The following NTF3 variants were observed in gnomAD, a reference collection of about 807,000 sequenced individuals.
The protein encoded by NTF3 is neurotrophin-3.
A neutral mutation model predicts 26.3 loss-of-function variants in NTF3; 8 were observed. That is an observed-to-expected ratio of 0.30 (90% CI 0.18 to 0.55). The LOEUF is 0.55. Ranked by LOEUF, NTF3 falls within the 20% of genes least tolerant of loss-of-function variation. The pLI is 0.93. For missense variants in NTF3, 276 were observed against 352.9 expected, an observed-to-expected ratio of 0.78 and a Z score of 1.75; for synonymous variants, 154 against 145.5, an observed-to-expected ratio of 1.06 and a Z score of -0.42.
At chr12:5,446,066 C>T (rs1940301620) in intron 1 of NTF3, among the ~76,000 whole-genome samples, 1 of 152,104 alleles carries the variant, frequency 6.6e-6, no homozygotes, top group South Asian at 2.1e-4. Context: ...GGTGCAGACA[C>T]CTATTTATAT....
At chr12:5,452,671 C>T (rs887482962) in intron 1 of NTF3, among the ~76,000 whole-genome samples, 20 of 152,220 alleles carry the variant, frequency 1.3e-4, no homozygotes, top group Admixed American at 6.5e-4. Context: ...GAGTGGGGAG[C>T]CGGGGCTGAT....
intron 1 of NTF3, among the ~76,000 whole-genome samples, chr12:5,460,984 T>C (rs1173816346): frequency 6.6e-6 from 1 of 152,010 alleles, no homozygotes; most frequent in Non-Finnish European, 1.5e-5. Flanking sequence ...CAGATCAGGG[T>C]TTTTCCATCT....
At chr12:5,482,121 ACT>A (rs1304739867) in intron 1 of NTF3, among the ~76,000 whole-genome samples, 2 of 151,996 alleles carry the variant, frequency 1.3e-5, no homozygotes, top group Admixed American at 6.5e-5. Context: ...TACAATGCAC[ACT>A]CACACACAGA....
intron 1 of NTF3, among the ~76,000 whole-genome samples, chr12:5,454,343 A>G (rs7297212): frequency 0.89 from 135,919 of 152,250 alleles, 60,653 homozygotes; most frequent in East Asian, 0.95. Context: ...AAGGATGTCA[A>G]CCCAATTGGA....
At chr12:5,478,631 T>C (rs1455412357) in intron 1 of NTF3, among the ~76,000 whole-genome samples, 1 of 152,246 alleles carries the variant, frequency 6.6e-6, no homozygotes, top group Non-Finnish European at 1.5e-5. Context: ...TGAAGGAACT[T>C]TTTGGAGTTT....
At chr12:5,477,515 G>T (rs1006298338) in intron 1 of NTF3, among the ~76,000 whole-genome samples, 3 of 152,194 alleles carry the variant, frequency 2.0e-5, no homozygotes, top group African/African-American at 4.8e-5. Flanking sequence ...CTCACGGAGG[G>T]TATGAGATAA....
chr12:5,488,801 A>G (rs1455120489), intron 1 of NTF3, among the ~76,000 whole-genome samples: 1 of 152,154 alleles, frequency 6.6e-6, no homozygotes. Flanking sequence ...AAATTCTCCA[A>G]AGAATCAGGC....
At chr12:5,453,744 G>A (rs758223288) in intron 1 of NTF3, among the ~76,000 whole-genome samples, 6 of 152,274 alleles carry the variant, frequency 3.9e-5, no homozygotes, top group Admixed American at 2.0e-4. Context: ...GCCATCTGTC[G>A]TGAAGGTCTC....
At chr12:5,471,084 T>C (rs570569647) in intron 1 of NTF3, among the ~76,000 whole-genome samples, 1 of 152,258 alleles carries the variant, frequency 6.6e-6, no homozygotes, top group East Asian at 1.9e-4. Context: ...ACATTTGAAA[T>C]AGTTTATTTG....
chr12:5,469,784 A>G (rs1185040500), intron 1 of NTF3, among the ~76,000 whole-genome samples: 2 of 152,174 alleles, frequency 1.3e-5, no homozygotes, highest in Non-Finnish European at 2.9e-5. Context: ...TTTTAGACTC[A>G]TGGCATCCAC....
upstream of NTF3, among the ~76,000 whole-genome samples, chr12:5,431,557 G>C (rs1447485778): frequency 6.6e-6 from 1 of 151,916 alleles, no homozygotes; most frequent in East Asian, 1.9e-4. Flanking sequence ...GTGGGGGGAG[G>C]AGTGGCGGGT....
chr12:5,460,155 C>T (rs567850677), intron 1 of NTF3, among the ~76,000 whole-genome samples: 5 of 152,320 alleles, frequency 3.3e-5, no homozygotes, highest in Middle Eastern at 3.4e-3. Context: ...TAGTGCAGTA[C>T]ATTTGTTGCA....
intron 1 of NTF3, among the ~76,000 whole-genome samples, chr12:5,491,884 T>C (rs1315825289): frequency 6.6e-6 from 1 of 151,836 alleles, no homozygotes; most frequent in Non-Finnish European, 1.5e-5. Flanking sequence ...GCCCTGCTAA[T>C]TTTTGTATTT....
chr12:5,474,284 G>T (rs2121216486), intron 1 of NTF3, among the ~76,000 whole-genome samples: 1 of 152,310 alleles, frequency 6.6e-6, no homozygotes, highest in East Asian at 1.9e-4. Flanking sequence ...GGAGCAGACA[G>T]GCAAGAAAAA....
intron 1 of NTF3, among the ~76,000 whole-genome samples, chr12:5,436,439 C>A (rs752460287): frequency 2.0e-5 from 3 of 152,158 alleles, no homozygotes; most frequent in Non-Finnish European, 4.4e-5. Flanking sequence ...TAGTTCTAGT[C>A]CAGTTCTACC....
intron 1 of NTF3, among the ~76,000 whole-genome samples, chr12:5,465,173 C>G (rs1940574371): frequency 6.6e-6 from 1 of 152,176 alleles, no homozygotes; most frequent in Admixed American, 6.5e-5. Flanking sequence ...GGAGAAGCAT[C>G]CTCCTCCCCA....
chr12:5,469,353 G>C (rs1940635520), intron 1 of NTF3, among the ~76,000 whole-genome samples: 1 of 152,138 alleles, frequency 6.6e-6, no homozygotes, highest in East Asian at 1.9e-4. Context: ...GGTTTGGAAG[G>C]GTGGCGGCAG....
At chr12:5,431,147 C>T (rs1344294822), upstream of NTF3, among the ~76,000 whole-genome samples, 7 of 152,110 alleles carry the variant, frequency 4.6e-5, no homozygotes, top group African/African-American at 1.7e-4. Context: ...CGAATGTATC[C>T]ACCGGTGGGG....
chr12:5,457,789 C>T (rs1240979236), intron 1 of NTF3, among the ~76,000 whole-genome samples: 1 of 152,150 alleles, frequency 6.6e-6, no homozygotes, highest in East Asian at 1.9e-4. Context: ...TTGTCTTTCA[C>T]CTTAATAAAT....
Sources: allele counts gnomAD v4.1 joint callset (sites outside exome capture counted in the v4.1 genomes callset), GRCh38; gene constraint gnomAD v4.1.1; transcripts MANE v1.5; gene names NCBI Gene and HGNC (gene_info 2026-07-23, HGNC 2026-07-21).